Variants in PTPRU observed in about 807,000 individuals in gnomAD.
PTPRU encodes the protein receptor-type tyrosine-protein phosphatase U.
Under a neutral mutation model 166.3 loss-of-function variants are expected in PTPRU, and 69 were observed. The ratio of observed to expected loss-of-function variants is 0.41; its 90% confidence interval spans 0.34 to 0.51. PTPRU has a LOEUF of 0.51. PTPRU is among the 20% of genes least tolerant of loss of function. The probability of loss-of-function intolerance (pLI) is 0.09; values close to 1 mark genes in which losing one functional copy is unlikely to be tolerated. For missense variants in PTPRU, 1,657 were observed against 2,013.7 expected (o/e 0.82, Z 3.39); for synonymous variants, 793 against 814.0 (o/e 0.97, Z 0.44).
In PTPRU at chr1:29,325,274, TCTTTG is replaced by T; in HGVS notation, c.4199_4203del (p.Phe1400CysfsTer158). 1.2e-6 allele frequency: 2 copies of T among 1,614,208 alleles called. No individual in the cohort carries two copies. The highest frequency in any genetic ancestry group is 1.7e-6 in the Non-Finnish European group (2 of 1,180,020). ...CGCTGCCACAACTTGGTGGACGTTT[TCTTTG>T]CTGCCAAAACCCTCCGGAACTACAA... On this transcript the variant is annotated frameshift_variant, in exon 29 of 30. Transcript: ENST00000373779. LOFTEE classifies it high-confidence loss of function.
intron 18 of PTPRU, chr1:29,307,175 C>T: frequency 6.2e-7 from 1 of 1,604,730 alleles, no homozygotes; most frequent in Non-Finnish European, 8.5e-7. Flanking sequence ...TTCTCCTCCT[C>T]CTCCTCTTCC....
Position 29,324,788 on chromosome 1 carries a change from GC to G in PTPRU, c.4113-399del, listed in dbSNP as rs1156897278. On this transcript the variant is annotated intron_variant, in intron 28 of 29. Coordinates refer to ENST00000373779, the MANE Select transcript of PTPRU (RefSeq NM_133178.4). ...TCCTCCCTCTGGGTTCCCTAGCCCC[GC>G]CCCTTACCTCTGGGTCCTCTGCCCC... Among the ~76,000 whole-genome samples, 3 of 151,968 alleles carry G rather than the reference GC, an allele frequency of 2.0e-5. No individual in the cohort carries two copies. The East Asian group carries it at 5.8e-4, about 29-fold the overall frequency.
intron 1 of PTPRU, among the ~76,000 whole-genome samples, chr1:29,243,404 C>T (rs556773555): frequency 6.6e-6 from 1 of 152,352 alleles, no homozygotes; most frequent in East Asian, 1.9e-4. Flanking sequence ...CTTCCCTGAT[C>T]CCACTCCTGC....
In PTPRU at chr1:29,259,366, G is replaced by T. The variant is rs199520346; in HGVS notation, c.559+24G>T. On this transcript the variant is annotated intron_variant, in intron 4 of 29. Coordinates refer to ENST00000373779, the MANE Select transcript of PTPRU (RefSeq NM_133178.4). ...CGGTGAGTCCCAGCCCACTGGGGGCGCAGGGGTAAGGGGTGTGGGCGGCCG... is the reference window on the plus strand; with the variant it reads ...CGGTGAGTCCCAGCCCACTGGGGGCTCAGGGGTAAGGGGTGTGGGCGGCCG... The T allele has an allele frequency of 3.1e-6, 5 of 1,612,660 alleles. No homozygotes were observed. The East Asian group carries it at 1.1e-4, about 36-fold the overall frequency.
intron 15 of PTPRU, among the ~76,000 whole-genome samples, chr1:29,303,035 T>C (rs1203080240): frequency 1.3e-5 from 2 of 152,216 alleles, no homozygotes; most frequent in Non-Finnish European, 2.9e-5. Flanking sequence ...AAATACACTC[T>C]GTGGTGTTCG....
Position 29,311,434 on chromosome 1 carries a change from C to A in PTPRU, c.2858-22C>A. On this transcript the variant is annotated intron_variant, in intron 19 of 29. Coordinates refer to ENST00000373779, the MANE Select transcript of PTPRU (RefSeq NM_133178.4). The surrounding 1 kb of genome is among the most constrained non-coding windows in gnomAD (Gnocchi z 4.1). The stretch of plus-strand genomic sequence containing the variant: ...GTGGAGACCTTGTCTCAGGGACAGG[C>A]ACCCTCTGCCTGCATCCCCAGGGCC... The A allele has an allele frequency of 6.2e-7, 1 of 1,612,256 alleles. No individual in the cohort carries two copies. Among genetic ancestry groups the A allele is most frequent in the South Asian group, 1.1e-5 (1 of 91,030 alleles).
Position 29,283,090 on chromosome 1 carries a change from GCTC to G in PTPRU, c.2142+150_2142+152del, listed in dbSNP as rs1686168193. On this transcript the variant is annotated intron_variant, in intron 12 of 29. Transcript: ENST00000373779. ...ACCTCCCATAGCCCCACCTCCCATAGCTCCTCCTCCTACAGCCCACCCCCATAG... is the reference window on the plus strand; with the variant it reads ...ACCTCCCATAGCCCCACCTCCCATAGCTCCTCCTACAGCCCACCCCCATAG... 23 of 1,234,938 alleles carry G rather than the reference GCTC, an allele frequency of 1.9e-5. No individual in the cohort carries two copies. In the South Asian group the frequency reaches 3.0e-4, roughly 16 times the overall value. 76.5% of individuals were successfully genotyped at this position (1,234,938 alleles called of 1,614,324 possible). A position where few individuals can be genotyped will look rare whatever the true frequency, so the allele number is the denominator to read the frequency against.
chr1:29,266,297 C>G (rs1265930009), intron 7 of PTPRU, among the ~76,000 whole-genome samples: 2 of 152,028 alleles, frequency 1.3e-5, no homozygotes, highest in Non-Finnish European at 2.9e-5. Context: ...CCGCGCCTGG[C>G]CTCCTGTTTT....
chr1:29,311,707 T>C lies in PTPRU; in HGVS notation c.3020T>C (p.Val1007Ala), dbSNP rs568617355. ...DTYGDIKIML[V>A]KTETLAEYVV... ...TACGGGGACATCAAGATTATGCTGG[T>C]GAAGACAGAGACCCTGGCTGAGTAT... Residue 1007 changes from valine (V) to alanine (A), a missense_variant, in exon 21 of 30, where the codon GTG (valine) becomes GCG (alanine). Val to Ala is a moderately conservative substitution (Grantham distance 64, BLOSUM62 0). Transcript: ENST00000373779. This position sits in a 1 kb window ranked among gnomAD's most constrained non-coding sequence, Gnocchi z 4.1. 1 of 1,614,184 alleles carries C rather than the reference T, an allele frequency of 6.2e-7. No individual in the cohort carries two copies. The highest frequency in any genetic ancestry group is 2.2e-5 in the East Asian group (1 of 44,876).
intron 14 of PTPRU, 56 bp downstream of exon 14, chr1:29,284,925 T>C (rs1288884586): frequency 3.9e-6 from 6 of 1,552,880 alleles, no homozygotes; most frequent in Non-Finnish European, 5.2e-6. Flanking sequence ...AGAGGCCTGG[T>C]GGCACAGAGG....
Position 29,305,394 on chromosome 1 carries a change from C to T in PTPRU, c.2786C>T (p.Pro929Leu), listed in dbSNP as rs370440569. The T allele has an allele frequency of 1.2e-6, 2 of 1,613,878 alleles. No individual in the cohort carries two copies. Among genetic ancestry groups the T allele is most frequent in the African/African-American group, 1.3e-5 (1 of 74,930 alleles). The change falls in exon 18 of 30, where the codon CCC (proline) becomes CTC (leucine). Residue 929 changes from proline to leucine, a missense_variant. Transcript: ENST00000373779. ...AAACTGCACCCGATGCTGGGAGACC[C>T]CAATGCCGACTACATTAATGCCAAC... ...RVKLHPMLGD[P>L]NADYINANYI...
At chr1:29,266,792 A>T (rs1048985990) in intron 7 of PTPRU, among the ~76,000 whole-genome samples, 2 of 152,138 alleles carry the variant, frequency 1.3e-5, no homozygotes, top group Non-Finnish European at 2.9e-5. Flanking sequence ...TCTTCCTGGA[A>T]CTCACATTTT....
chr1:29,311,374 G>GTGGTGCTGGA lies in PTPRU; in HGVS notation c.2858-69_2858-60dup. 7.2e-7 allele frequency: 1 copy of GTGGTGCTGGA among 1,383,270 alleles called. No individual in the cohort carries two copies. Among genetic ancestry groups the GTGGTGCTGGA allele is most frequent in the African/African-American group, 1.4e-5 (1 of 70,472 alleles). 85.7% of individuals were successfully genotyped at this position (1,383,270 alleles called of 1,614,324 possible). A position where few individuals can be genotyped will look rare whatever the true frequency, so the allele number is the denominator to read the frequency against. ...CTCAGGAGGCCTCCTGGCCTGGGGT[G>GTGGTGCTGGA]TGGTGCTGGATGGTGCTGGATGTGC... On this transcript the variant is annotated intron_variant, in intron 19 of 29. Transcript: ENST00000373779. The surrounding 1 kb of genome is among the most constrained non-coding windows in gnomAD (Gnocchi z 4.1).
chr1:29,263,742 G>T lies in PTPRU; in HGVS notation c.1144+2839G>T, dbSNP rs548466685. The stretch of plus-strand genomic sequence containing the variant: ...GATTTGCATTACCCTGATGGCTAAT[G>T]ATATATCGAGCATTTTTTCATGTGC... On this transcript the variant is annotated intron_variant, in intron 7 of 29. Coordinates refer to ENST00000373779, the MANE Select transcript of PTPRU (RefSeq NM_133178.4). Among the ~76,000 whole-genome samples, 116 of 152,216 alleles carry T rather than the reference G, an allele frequency of 7.6e-4. 2 individuals are homozygous for T. The highest frequency in any genetic ancestry group is 2.7e-3 in the African/African-American group (112 of 41,524).
At chr1:29,307,142 G>A (rs776675710) in intron 18 of PTPRU, 4 of 1,613,248 alleles carry the variant, frequency 2.5e-6, no homozygotes, top group Admixed American at 3.3e-5. Context: ...CGGATAAACC[G>A]AGAAGTAAGT....
intron 3 of PTPRU, 38 bp downstream of exon 3, chr1:29,258,814 A>G: frequency 6.5e-7 from 1 of 1,532,750 alleles, no homozygotes; most frequent in Non-Finnish European, 8.8e-7. Flanking sequence ...CTGTGCCTGG[A>G]GGTGGGGCAG....
intron 15 of PTPRU, among the ~76,000 whole-genome samples, chr1:29,303,047 A>G (rs1687209009): frequency 6.6e-6 from 1 of 152,210 alleles, no homozygotes; most frequent in South Asian, 2.1e-4. Context: ...TGGTGTTCGC[A>G]CAAAGACCAA....
intron 28 of PTPRU, among the ~76,000 whole-genome samples, chr1:29,324,240 C>T (rs1688301309): frequency 6.6e-6 from 1 of 152,234 alleles, no homozygotes; most frequent in South Asian, 2.1e-4. Context: ...GGTGCAGTCA[C>T]TCCTTTGCTC....
Position 29,311,775 on chromosome 1 carries a change from G to A in PTPRU, c.3072+16G>A, listed in dbSNP as rs747832906. The A allele has an allele frequency of 4.3e-5, 69 of 1,605,748 alleles. No homozygotes were observed. Among genetic ancestry groups the A allele is most frequent in the Middle Eastern group, 1.7e-4 (1 of 6,060 alleles). On this transcript the variant is annotated intron_variant, in intron 21 of 29. Transcript: ENST00000373779. The surrounding 1 kb of genome is among the most constrained non-coding windows in gnomAD (Gnocchi z 4.1). ...CCTGGAGCGGGTGAGTCTCCCCACC[G>A]CCTGTTCCCTGCAGAGGGTGCCTGA...
Sources: allele counts gnomAD v4.1 joint callset (sites outside exome capture counted in the v4.1 genomes callset), GRCh38; gene constraint gnomAD v4.1.1; non-coding constraint Gnocchi (gnomAD v3.1); transcripts MANE v1.5; gene names NCBI Gene and HGNC (gene_info 2026-07-23, HGNC 2026-07-21).